The following PPM1J variants were observed in gnomAD, a reference collection of about 807,000 sequenced individuals.
The protein encoded by PPM1J is protein phosphatase 1J.
A neutral mutation model predicts 53.3 loss-of-function variants in PPM1J; 43 were observed. That is an observed-to-expected ratio of 0.81 (90% CI 0.63 to 1.04). The LOEUF (loss-of-function observed/expected upper bound fraction) is 1.04, where lower values mean the gene tolerates loss of function less well. Ranked by LOEUF, PPM1J falls within the 50% of genes least tolerant of loss-of-function variation. The pLI is 0.00. For synonymous variants in PPM1J, 267 were observed against 286.4 expected (o/e 0.93, Z 0.68); for missense variants, 635 against 685.9 (o/e 0.93, Z 0.83).
chr1:112,710,671 G>A, intron 8 of PPM1J, 60 bp from the exon 9 acceptor site: 22 of 1,613,378 alleles, frequency 1.4e-5, no homozygotes, highest in Non-Finnish European at 1.9e-5. Flanking sequence ...AGGGAGCTTG[G>A]AGATAAAGGG....
In PPM1J at chr1:112,715,325, GC is replaced by G; in HGVS notation, c.-25del. Reference sequence around the variant, plus strand: ...ATGCTGCCTCCCTGCCCCGCCCTCGGCCGCGGCCCCGCCCCCGCCCAGGCCC... The same window carrying G: ...ATGCTGCCTCCCTGCCCCGCCCTCGGCGCGGCCCCGCCCCCGCCCAGGCCC... On this transcript the variant is annotated 5_prime_UTR_variant, in exon 1 of 10. Transcript: ENST00000309276. This position sits in a 1 kb window ranked among gnomAD's most constrained non-coding sequence, Gnocchi z 4.4. The G allele has an allele frequency of 8.1e-7, 1 of 1,228,026 alleles. No individual in the cohort carries two copies. Among genetic ancestry groups the G allele is most frequent in the Non-Finnish European group, 1.0e-6 (1 of 985,294 alleles). 76.1% of individuals were successfully genotyped at this position (1,228,026 alleles called of 1,614,324 possible).
In PPM1J at chr1:112,711,033, G is replaced by A. The variant is rs764140457; in HGVS notation, c.1085C>T (p.Pro362Leu). 1 of 1,614,078 alleles carries A rather than the reference G, an allele frequency of 6.2e-7. No homozygotes were observed. Among genetic ancestry groups the A allele is most frequent in the Non-Finnish European group, 8.5e-7 (1 of 1,179,980 alleles). ...CTTTTTGCCCTCCCCACAGACCAGA[G>A]GAAACCTGAGATCCTCCAGCTCGAT... ...KKIELEDLRF[P>L]LVCGEGKKAR... Residue 362 changes from proline to leucine, a missense_variant, in exon 7 of 10, where the codon CCT (proline) becomes CTT (leucine). By Grantham distance (98) the Pro-to-Leu change is moderately conservative. Coordinates refer to ENST00000309276, the MANE Select transcript of PPM1J (RefSeq NM_005167.7).
chr1:112,715,120 A>G lies in PPM1J; in HGVS notation c.182T>C (p.Val61Ala), dbSNP rs1483999520. 1 of 1,556,044 alleles carries G rather than the reference A, an allele frequency of 6.4e-7. No individual in the cohort carries two copies. Among genetic ancestry groups the G allele is most frequent in the Non-Finnish European group, 8.6e-7 (1 of 1,161,330 alleles). ...TCTGGAGAAGCTCGCTCGAGCCTCA[A>G]CAGCCTTCGCGGGCGTCGCGCTCCC... is the stretch of plus-strand genomic sequence containing the variant. ...GSGSATPAKAVEARASFSRPT... is the reference protein window; with the variant it reads ...GSGSATPAKAAEARASFSRPT... Residue 61 changes from valine to alanine, a missense_variant, in exon 1 of 10, where the codon GTT (valine) becomes GCT (alanine). Physicochemically the swap from Val to Ala is moderately conservative, Grantham distance 64. Transcript: ENST00000309276. This position sits in a 1 kb window ranked among gnomAD's most constrained non-coding sequence, Gnocchi z 4.4.
rs1311786545 is a variant in PPM1J at position 112,712,342 on chromosome 1, T to TA, written c.842+2dup. 7 of 1,604,916 alleles carry TA rather than the reference T, an allele frequency of 4.4e-6. No homozygotes were observed. Among genetic ancestry groups the TA allele is most frequent in the Admixed American group, 1.7e-5 (1 of 59,428 alleles). On this transcript the variant is annotated splice_region_variant and intron_variant, in intron 4 of 9. Coordinates refer to ENST00000309276, the MANE Select transcript of PPM1J (RefSeq NM_005167.7). Reference sequence around the variant, plus strand: ...CGCCACCTTGGAGCCCCCTCCCCCATACCTGCTATCGCCTGCATTGGCCAC... The same window carrying TA: ...CGCCACCTTGGAGCCCCCTCCCCCATAACCTGCTATCGCCTGCATTGGCCAC...
rs759371785 is a variant in PPM1J, at chr1:112,712,873, G to A, written c.600C>T (p.Thr200=). 6.2e-7 allele frequency: 1 copy of A among 1,614,040 alleles called. No homozygotes were observed. Among genetic ancestry groups the A allele is most frequent in the South Asian group, 1.1e-5 (1 of 91,078 alleles). The change falls in exon 3 of 10, where the codon ACC becomes ACT. Residue 200 remains threonine (T), a synonymous_variant. Transcript: ENST00000309276. ...CGGAGGAATCTGGGGTCCCCGGAGT[G>A]GTTGGGAGGCAGAGGGGTGGTGGCG... ...DPSPPPLCLP[T]TPGTPDSSDP...
intron 1 of PPM1J, chr1:112,714,418 G>A (rs925619629): frequency 1.0e-6 from 1 of 985,814 alleles, no homozygotes. Context: ...ATCTAAATGG[G>A]ACCCTCCTCT....
chr1:112,714,571 G>A (rs1012512467), intron 1 of PPM1J: 44 of 1,008,484 alleles, frequency 4.4e-5, no homozygotes, highest in African/African-American at 5.2e-5. Context: ...GGGTGAGCGA[G>A]TCTTCCCAAC....
chr1:112,710,229 CTTG>C lies in PPM1J; in HGVS notation c.1449_1451del (p.Asn483del), dbSNP rs138165734. ...CAGAGATGTCATCCCCGGAACCCAGCTTGTTGTTGGGGAGACGCCAGCCACGGT... is the reference window on the plus strand; with the variant it reads ...CAGAGATGTCATCCCCGGAACCCAGCTTGTTGGGGAGACGCCAGCCACGGT... On this transcript the variant is annotated inframe_deletion, in exon 10 of 10. Transcript: ENST00000309276. 0.015 allele frequency: 23,341 copies of C among 1,588,308 alleles called. 223 individuals are homozygous for C. Among genetic ancestry groups the C allele is most frequent in the Non-Finnish European group, 0.016 (18,981 of 1,173,062 alleles).
chr1:112,710,130 G>T lies in PPM1J; in HGVS notation c.*33C>A. ...TTGGGCTGTGAGAGGAGTAAGTATGGAGAGGCTAGTGGGAGGGATGGTGTT... is the reference window on the plus strand; with the variant it reads ...TTGGGCTGTGAGAGGAGTAAGTATGTAGAGGCTAGTGGGAGGGATGGTGTT... On this transcript the variant is annotated 3_prime_UTR_variant, in exon 10 of 10. Transcript: ENST00000309276. 1 of 1,522,106 alleles carries T rather than the reference G, an allele frequency of 6.6e-7. No individual in the cohort carries two copies. Among genetic ancestry groups the T allele is most frequent in the South Asian group, 1.3e-5 (1 of 75,988 alleles). 94.3% of individuals were successfully genotyped at this position (1,522,106 alleles called of 1,614,324 possible).
chr1:112,713,037 G>A lies in PPM1J; in HGVS notation c.442-6C>T. On this transcript the variant is annotated splice_region_variant and splice_polypyrimidine_tract_variant and intron_variant, in intron 2 of 9. Coordinates refer to ENST00000309276, the MANE Select transcript of PPM1J (RefSeq NM_005167.7). ...CAGTAGTAGAAGCAGAGTCCCTGGT[G>A]GAGGAAAAGTTGGAGGTGAGTTTTG... The A allele has an allele frequency of 6.3e-7, 1 of 1,583,086 alleles. No homozygotes were observed. Among genetic ancestry groups the A allele is most frequent in the Non-Finnish European group, 8.6e-7 (1 of 1,163,546 alleles).
rs776354974 is a variant in PPM1J at position 112,711,359 on chromosome 1, C to T, written c.953G>A (p.Gly318Asp). The T allele has an allele frequency of 6.2e-7, 1 of 1,604,052 alleles. No homozygotes were observed. Residue 318 changes from glycine to aspartate, a missense_variant, in exon 6 of 10, where the codon GGC becomes GAC. Physicochemically the swap from Gly to Asp is moderately conservative, Grantham distance 94. Transcript: ENST00000309276. ...LLGFLKPELLGSEFTHLEFPR... is the reference protein window; with the variant it reads ...LLGFLKPELLDSEFTHLEFPR... ...GAACTCAAGGTGGGTGAATTCACTG[C>T]CTAGCAGCTCTGGTTTCAGGAAGCC...
rs1293627788 is a variant in PPM1J, at chr1:112,713,043, A to G, written c.442-12T>C. The stretch of plus-strand genomic sequence containing the variant: ...TAGAAGCAGAGTCCCTGGTGGAGGA[A>G]AAGTTGGAGGTGAGTTTTGTTTGTG... On this transcript the variant is annotated splice_polypyrimidine_tract_variant and intron_variant, in intron 2 of 9. Transcript: ENST00000309276. 6.4e-7 allele frequency: 1 copy of G among 1,571,454 alleles called. No homozygotes were observed. The highest frequency in any genetic ancestry group is 8.6e-7 in the Non-Finnish European group (1 of 1,158,076).
At position 112,715,064 on chromosome 1, in the gene PPM1J, G is replaced by C; in HGVS notation, c.238C>G (p.Leu80Val). ...PTFLQLSPGGLRRADDHAGRA... is the reference protein window; with the variant it reads ...PTFLQLSPGGVRRADDHAGRA... Reference sequence around the variant, plus strand: ...CCCGCGTGGTCATCGGCGCGTCGCAGCCCCCCGGGGCTCAGCTGCAGAAAG... The same window carrying C: ...CCCGCGTGGTCATCGGCGCGTCGCACCCCCCCGGGGCTCAGCTGCAGAAAG... The change falls in exon 1 of 10, where the codon CTG (leucine) becomes GTG (valine). Residue 80 changes from leucine to valine, a missense_variant. Physicochemically the swap from Leu to Val is conservative, Grantham distance 32. Transcript: ENST00000309276. The surrounding 1 kb of genome is among the most constrained non-coding windows in gnomAD (Gnocchi z 4.4). 3.9e-6 allele frequency: 6 copies of C among 1,544,380 alleles called. No homozygotes were observed. The highest frequency in any genetic ancestry group is 5.2e-6 in the Non-Finnish European group (6 of 1,154,700).
In PPM1J at chr1:112,711,990, C is replaced by T. The variant is rs201233160; in HGVS notation, c.908G>A (p.Arg303His). 1.4e-5 allele frequency: 23 copies of T among 1,607,384 alleles called. No homozygotes were observed. The East Asian group carries it at 2.7e-4, about 19-fold the overall frequency. The change falls in exon 5 of 10, where the codon CGC (arginine) becomes CAC (histidine). Residue 303 changes from arginine (R) to histidine (H), a missense_variant. Coordinates refer to ENST00000309276, the MANE Select transcript of PPM1J (RefSeq NM_005167.7). ...MSREFTPETERQRLQLLGFLK... is the reference protein window; with the variant it reads ...MSREFTPETEHQRLQLLGFLK... ...ACTTACAAGCAGCTGAAGACGCTGG[C>T]GCTCAGTCTCCGGGGTAAACTCCCG...
Position 112,712,847 on chromosome 1 carries a change from T to G in PPM1J, c.626A>C (p.Asp209Ala). 6.2e-7 allele frequency: 1 copy of G among 1,613,750 alleles called. No homozygotes were observed. Among genetic ancestry groups the G allele is most frequent in the Non-Finnish European group, 8.5e-7 (1 of 1,179,992 alleles). ...CTGAGGGCCAAGCAAGTGAGAGGGA[T>G]CGGAGGAATCTGGGGTCCCCGGAGT... ...PTTPGTPDSS[D>A]PSHLLGPQSC... Residue 209 changes from aspartate to alanine, a missense_variant, in exon 3 of 10, where the codon GAT becomes GCT. Asp to Ala is a moderately radical substitution (Grantham distance 126). Transcript: ENST00000309276.
intron 1 of PPM1J, chr1:112,714,581 C>A: frequency 9.8e-7 from 1 of 1,017,382 alleles, no homozygotes; most frequent in Non-Finnish European, 1.2e-6. Context: ...GTCTTCCCAA[C>A]CGCTATGTCC....
chr1:112,710,688 G>T (rs933979051), intron 8 of PPM1J, 56 bp downstream of exon 8: 9 of 1,612,636 alleles, frequency 5.6e-6, no homozygotes, highest in Non-Finnish European at 7.6e-6. Flanking sequence ...AGGGACTGCA[G>T]ATGAAAGCTG....
rs1312289830 is a variant in PPM1J, at chr1:112,713,639, T to C, written c.327-28A>G. On this transcript the variant is annotated intron_variant, in intron 1 of 9. Transcript: ENST00000309276. ...GCCAGGCCAGAATGACCACATCAGG[T>C]TGGACACCAGACCAGGTCCTGGAAT... 3 of 1,558,970 alleles carry C rather than the reference T, an allele frequency of 1.9e-6. No individual in the cohort carries two copies. In the Admixed American group the frequency reaches 5.0e-5, roughly 26 times the overall value.
chr1:112,712,192 C>A, intron 4 of PPM1J, 137 bp from the exon 5 acceptor site: 1 of 930,864 alleles, frequency 1.1e-6, no homozygotes, highest in Admixed American at 2.3e-5. Context: ...CCTGACCCCA[C>A]CCAATGGATA....
Sources: allele counts gnomAD v4.1 joint callset, GRCh38; gene constraint gnomAD v4.1.1; non-coding constraint Gnocchi (gnomAD v3.1); transcripts MANE v1.5; gene names NCBI Gene and HGNC (gene_info 2026-07-23, HGNC 2026-07-21).